PVALB: variants seen among roughly 807,000 people sequenced by gnomAD.
The protein encoded by PVALB is parvalbumin alpha.
PVALB carries 11 observed loss-of-function variants against 10.9 expected under a neutral mutation model. The observed-to-expected ratio is 1.01, with a 90% CI of 0.63 to 1.67. The LOEUF (loss-of-function observed/expected upper bound fraction) is 1.67. PVALB is among the 40% of genes most tolerant of loss of function. The pLI, the probability that PVALB is intolerant of heterozygous loss-of-function variation, is 0.00. For missense variants in PVALB, 131 were observed against 136.2 expected (o/e 0.96, Z 0.19); for synonymous variants, 57 against 50.7 (o/e 1.12, Z -0.53).
intron 3 of PVALB, among the ~76,000 whole-genome samples, chr22:36,805,031 G>C (rs191240819): frequency 1.3e-5 from 2 of 152,338 alleles, no homozygotes; most frequent in East Asian, 3.9e-4. Flanking sequence ...TCCCAGGATG[G>C]GGAATGTAGC....
intron 3 of PVALB, among the ~76,000 whole-genome samples, chr22:36,813,290 G>A (rs1314054640): frequency 6.6e-6 from 1 of 152,052 alleles, no homozygotes; most frequent in Non-Finnish European, 1.5e-5. Flanking sequence ...CAGCGATCGA[G>A]AGACACTGCC....
rs1272083399 is a variant in PVALB, at chr22:36,816,925, A to T, written c.61+20T>A. ...GGTGGACGAGGGGAGAGGGATGGGG[A>T]GGGGAGCGCGCTTGCTCACCGCTAA... On this transcript the variant is annotated intron_variant, in intron 1 of 3. Coordinates refer to ENST00000417718, the MANE Select transcript of PVALB (RefSeq NM_001315532.2). The T allele has an allele frequency of 6.3e-7, 1 of 1,591,724 alleles. No individual in the cohort carries two copies. The highest frequency in any genetic ancestry group is 2.3e-5 in the East Asian group (1 of 43,628).
At chr22:36,810,483 C>T (rs1241770331) in intron 3 of PVALB, among the ~76,000 whole-genome samples, 1 of 152,190 alleles carries the variant, frequency 6.6e-6, no homozygotes, top group Non-Finnish European at 1.5e-5. Flanking sequence ...AAGTGTGGGG[C>T]CCCAGTGCCT....
chr22:36,806,463 G>T (rs936114914), intron 3 of PVALB, among the ~76,000 whole-genome samples: 1 of 152,198 alleles, frequency 6.6e-6, no homozygotes, highest in African/African-American at 2.4e-5. Flanking sequence ...CTATTGACAG[G>T]TGAGAGCAAC....
chr22:36,803,934 G>A (rs949217488), intron 3 of PVALB, among the ~76,000 whole-genome samples: 3 of 152,214 alleles, frequency 2.0e-5, no homozygotes, highest in Non-Finnish European at 4.4e-5. Flanking sequence ...TGAATGTGGA[G>A]AGGCTACTCC....
intron 3 of PVALB, among the ~76,000 whole-genome samples, chr22:36,801,733 G>A (rs1938868564): frequency 6.6e-6 from 1 of 152,238 alleles, no homozygotes; most frequent in Admixed American, 6.5e-5. Context: ...CCAGAAGGCA[G>A]AGGTTGCAGT....
At chr22:36,811,626 G>C in intron 3 of PVALB, 1 of 442,716 alleles carries the variant, frequency 2.3e-6, no homozygotes, top group Non-Finnish European at 4.7e-6. Context: ...CTCTTCATCA[G>C]GTAGGTTTTC....
intron 3 of PVALB, among the ~76,000 whole-genome samples, chr22:36,810,995 G>T (rs1309487536): frequency 2.0e-5 from 3 of 152,230 alleles, no homozygotes; most frequent in African/African-American, 4.8e-5. Flanking sequence ...ACATTGCATG[G>T]CCGGGTGCAG....
At chr22:36,803,474 A>G (rs1938900701) in intron 3 of PVALB, among the ~76,000 whole-genome samples, 1 of 152,092 alleles carries the variant, frequency 6.6e-6, no homozygotes, top group Admixed American at 6.6e-5. Context: ...CCTGGCACAC[A>G]GTAGGTGCTC....
intron 3 of PVALB, chr22:36,811,535 A>G (rs1304468096): frequency 2.2e-6 from 1 of 458,290 alleles, no homozygotes; most frequent in Non-Finnish European, 4.5e-6. Context: ...CTGTTAGAAG[A>G]GTTTAGTTGA....
At chr22:36,813,852 G>T in intron 2 of PVALB, 97 bp from the exon 3 acceptor site, 1 of 918,870 alleles carries the variant, frequency 1.1e-6, no homozygotes, top group South Asian at 1.3e-5. Flanking sequence ...TATGGGGAAA[G>T]GGATGGCTGG....
At chr22:36,808,587 A>G (rs1463171148) in intron 3 of PVALB, among the ~76,000 whole-genome samples, 1 of 152,208 alleles carries the variant, frequency 6.6e-6, no homozygotes, top group Non-Finnish European at 1.5e-5. Flanking sequence ...CCAGATCATT[A>G]GCACCATCTG....
chr22:36,815,324 G>C, intron 1 of PVALB, 89 bp from the exon 2 acceptor site: 1 of 1,532,032 alleles, frequency 6.5e-7, no homozygotes, highest in South Asian at 1.1e-5. Flanking sequence ...ATTTGTTGAT[G>C]GATTCCCACA....
chr22:36,806,353 G>A (rs1435865874), intron 3 of PVALB, among the ~76,000 whole-genome samples: 1 of 152,122 alleles, frequency 6.6e-6, no homozygotes, highest in African/African-American at 2.4e-5. Flanking sequence ...AGGATCAGAG[G>A]ACTAGAGGAT....
At chr22:36,812,201 G>A (rs898965497) in intron 3 of PVALB, among the ~76,000 whole-genome samples, 6 of 152,198 alleles carry the variant, frequency 3.9e-5, no homozygotes, top group East Asian at 1.9e-4. Flanking sequence ...GGTGTGCAGA[G>A]GTGACGTGTT....
intron 3 of PVALB, among the ~76,000 whole-genome samples, chr22:36,805,875 G>T (rs1938941148): frequency 6.6e-6 from 1 of 152,092 alleles, no homozygotes; most frequent in African/African-American, 2.4e-5. Context: ...TATAAACAGA[G>T]GGCACGGAAA....
chr22:36,814,172 C>A (rs555106538), intron 2 of PVALB, among the ~76,000 whole-genome samples: 1 of 151,980 alleles, frequency 6.6e-6, no homozygotes, highest in Non-Finnish European at 1.5e-5. Flanking sequence ...GGAGGGCACT[C>A]AGAAGCTGTA....
chr22:36,815,137 C>T lies in PVALB; in HGVS notation c.160G>A (p.Asp54Asn), dbSNP rs369226680. The change falls in exon 2 of 4, where the codon GAC becomes AAC. Residue 54 changes from aspartate (D) to asparagine (N), a missense_variant. By Grantham distance (23) the Asp-to-Asn change is conservative. Transcript: ENST00000417718. ...TCCTCCTCGATGAAGCCACTTTTGT[C>T]CTTGTCCAGCATGTGAAACACCTTC... ...VKKVFHMLDK[D>N]KSGFIEEDEL... 5.0e-6 allele frequency: 8 copies of T among 1,614,188 alleles called. No individual in the cohort carries two copies. The highest frequency in any genetic ancestry group is 6.8e-6 in the Non-Finnish European group (8 of 1,180,030).
Position 36,815,061 on chromosome 22 carries a change from G to C in PVALB, c.194+42C>G, listed in dbSNP as rs200668331. ...AGAGTCCCAGCCCCCACTCCCTCTC[G>C]TGCAGCCGTGGGCTGGGCAGCCCCT... On this transcript the variant is annotated intron_variant, in intron 2 of 3. Transcript: ENST00000417718. 5.2e-5 allele frequency: 83 copies of C among 1,609,924 alleles called. 1 individual carries two copies. The African/African-American group carries it at 8.8e-4, about 17-fold the overall frequency.
Sources: allele counts gnomAD v4.1 joint callset (sites outside exome capture counted in the v4.1 genomes callset), GRCh38; gene constraint gnomAD v4.1.1; transcripts MANE v1.5; gene names NCBI Gene and HGNC (gene_info 2026-07-23, HGNC 2026-07-21).